The following CTNNA3 variants were observed in gnomAD, a reference collection of about 807,000 sequenced individuals.
CTNNA3 encodes catenin alpha 3, also known as catenin alpha-3.
CTNNA3 carries 76 observed loss-of-function variants against 95.7 expected under a neutral mutation model. The ratio of observed to expected loss-of-function variants is 0.79; its 90% CI spans 0.66 to 0.96. The LOEUF (loss-of-function observed/expected upper bound fraction) is 0.96, where lower values mean the gene tolerates loss of function less well. Ranked by LOEUF, CTNNA3 falls within the 40% of genes least tolerant of loss-of-function variation. The pLI is 0.00. For synonymous variants in CTNNA3, 431 were observed against 374.4 expected, an observed-to-expected ratio of 1.15 and a Z score of -1.74; for missense variants, 1,191 against 1,089.8, an observed-to-expected ratio of 1.09 and a Z score of -1.31.
At chr10:66,955,828 G>T (rs1848760314) in intron 7 of CTNNA3, among the ~76,000 whole-genome samples, 1 of 152,120 alleles carries the variant, frequency 6.6e-6, no homozygotes, top group African/African-American at 2.4e-5. Context: ...ACAGATGAGG[G>T]ATTTCAAATT....
intron 7 of CTNNA3, among the ~76,000 whole-genome samples, chr10:66,807,635 T>G (rs909105209): frequency 5.9e-5 from 9 of 152,174 alleles, no homozygotes; most frequent in Non-Finnish European, 1.3e-4. Flanking sequence ...CTAACTAAAT[T>G]GAGTAATTAG....
intron 9 of CTNNA3, among the ~76,000 whole-genome samples, chr10:66,699,027 CTA>C (rs1376402004): frequency 6.6e-6 from 1 of 152,114 alleles, no homozygotes; most frequent in South Asian, 2.1e-4. Context: ...TTGTGTATGT[CTA>C]TATATATGTA....
intron 15 of CTNNA3, among the ~76,000 whole-genome samples, chr10:66,043,347 A>T (rs2079748984): frequency 6.6e-6 from 1 of 152,206 alleles, no homozygotes; most frequent in African/African-American, 2.4e-5. Flanking sequence ...CCAAATTAGC[A>T]ATTCCACTGG....
At chr10:66,550,826 G>A (rs1364785201) in intron 10 of CTNNA3, among the ~76,000 whole-genome samples, 2 of 148,448 alleles carry the variant, frequency 1.3e-5, no homozygotes, top group East Asian at 4.0e-4. Flanking sequence ...TTTTTTTTCA[G>A]TTTGTTCTAG....
At chr10:66,208,127 G>A (rs924355561) in intron 13 of CTNNA3, among the ~76,000 whole-genome samples, 1 of 152,028 alleles carries the variant, frequency 6.6e-6, no homozygotes, top group East Asian at 1.9e-4. Flanking sequence ...AAGATTCCTA[G>A]GCAATAGATG....
rs1841029115 is a variant in CTNNA3, at chr10:66,520,669, G to A, written c.1479C>T (p.Leu493=). The A allele has an allele frequency of 6.2e-7, 1 of 1,610,940 alleles. No individual in the cohort carries two copies. The highest frequency in any genetic ancestry group is 8.5e-7 in the Non-Finnish European group (1 of 1,178,344). Residue 493 remains leucine, a synonymous_variant, in exon 11 of 18, where the codon CTC becomes CTT. Coordinates refer to ENST00000433211, the MANE Select transcript of CTNNA3 (RefSeq NM_013266.4). ...TTGTAATGTCATCTACGGCTTCAGT[G>A]AGGACATGTATATGATTCTCCCATG... ...KRTWENHIHV[L]TEAVDDITSI... is the part of the protein sequence containing the mutation.
Position 66,163,492 on chromosome 10 carries a change from G to T in CTNNA3, c.1885-60243C>A, listed in dbSNP as rs188234339. Among the ~76,000 whole-genome samples, 38 of 152,190 alleles carry T rather than the reference G, an allele frequency of 2.5e-4. 1 individual carries two copies. The South Asian group carries it at 5.8e-3, about 23-fold the overall frequency. On this transcript the variant is annotated intron_variant, in intron 13 of 17. Coordinates refer to ENST00000433211, the MANE Select transcript of CTNNA3 (RefSeq NM_013266.4). ...ACAGACCTTCAGGTTCTCCAGTGGG[G>T]GTGCGTGTTTGAGAGAGGAGGGTCT...
Position 67,375,907 on chromosome 10 carries a change from G to T in CTNNA3, c.579+145935C>A, listed in dbSNP as rs553085247. On this transcript the variant is annotated intron_variant, in intron 5 of 17. Transcript: ENST00000433211. The stretch of plus-strand genomic sequence containing the variant: ...TGATATTAGAAGGTGGGACCTTTTG[G>T]GAGGTGATTAGTTCAGGAAGGCGGA... Among the ~76,000 whole-genome samples, 6 of 152,242 alleles carry T rather than the reference G, an allele frequency of 3.9e-5. No individual in the cohort carries two copies. In the East Asian group the frequency reaches 9.7e-4, roughly 25 times the overall value.
chr10:66,769,364 C>CA (rs557858829), intron 8 of CTNNA3, among the ~76,000 whole-genome samples: 3 of 152,254 alleles, frequency 2.0e-5, no homozygotes, highest in African/African-American at 7.2e-5. Context: ...TTAACCCATG[C>CA]AAAAAACAAA....
chr10:66,161,483 C>T (rs1342203088), intron 13 of CTNNA3, among the ~76,000 whole-genome samples: 1 of 152,126 alleles, frequency 6.6e-6, no homozygotes, highest in Non-Finnish European at 1.5e-5. Context: ...ATACAAAATT[C>T]TTGGCTGATA....
At chr10:65,957,163 T>G (rs1021748833) in intron 17 of CTNNA3, among the ~76,000 whole-genome samples, 2 of 152,134 alleles carry the variant, frequency 1.3e-5, no homozygotes, top group African/African-American at 4.8e-5. Context: ...TGTGTCTTTT[T>G]ATCTTTGTTT....
At chr10:66,753,287 A>T (rs1276049947) in intron 9 of CTNNA3, among the ~76,000 whole-genome samples, 1 of 152,180 alleles carries the variant, frequency 6.6e-6, no homozygotes. Flanking sequence ...CTTTGTATAT[A>T]CAGCCCTTTC....
intron 11 of CTNNA3, among the ~76,000 whole-genome samples, chr10:66,470,185 T>G (rs560693366): frequency 6.6e-6 from 1 of 151,906 alleles, no homozygotes; most frequent in Non-Finnish European, 1.5e-5. Context: ...GAATGCAGAA[T>G]ATATTATAAG....
chr10:67,168,966 A>G (rs1490027166), intron 7 of CTNNA3, among the ~76,000 whole-genome samples: 1 of 152,186 alleles, frequency 6.6e-6, no homozygotes, highest in Non-Finnish European at 1.5e-5. Flanking sequence ...GACTTACAAA[A>G]ATCACTAGTA....
chr10:66,716,707 A>G (rs1848461798), intron 9 of CTNNA3, among the ~76,000 whole-genome samples: 1 of 152,148 alleles, frequency 6.6e-6, no homozygotes, highest in African/African-American at 2.4e-5. Flanking sequence ...TAAGCATGGC[A>G]CTACCTAGGT....
At chr10:66,632,917 T>A (rs975274566) in intron 9 of CTNNA3, among the ~76,000 whole-genome samples, 2 of 152,100 alleles carry the variant, frequency 1.3e-5, no homozygotes, top group Admixed American at 6.5e-5. Flanking sequence ...ACATATGAAA[T>A]ATGACTAATA....
intron 8 of CTNNA3, among the ~76,000 whole-genome samples, chr10:66,770,189 A>G (rs1167146386): frequency 6.6e-6 from 1 of 152,222 alleles, no homozygotes; most frequent in Non-Finnish European, 1.5e-5. Flanking sequence ...TGAAAGGACT[A>G]GAATGTTATG....
chr10:66,514,097 A>G (rs1194045726), intron 11 of CTNNA3, among the ~76,000 whole-genome samples: 1 of 152,166 alleles, frequency 6.6e-6, no homozygotes, highest in African/African-American at 2.4e-5. Flanking sequence ...AAGGTCAAAG[A>G]ACATTGTGAT....
chr10:66,815,384 C>A (rs920308653), intron 7 of CTNNA3, among the ~76,000 whole-genome samples: 1 of 152,156 alleles, frequency 6.6e-6, no homozygotes, highest in Non-Finnish European at 1.5e-5. Flanking sequence ...TGGTGAGAAT[C>A]AGTAGCCTGG....
Sources: gnomAD v4.1 joint callset for allele counts (sites outside exome capture counted in the v4.1 genomes callset) on GRCh38, gnomAD v4.1.1 for gene constraint, MANE v1.5 for transcripts, NCBI Gene and HGNC (gene_info 2026-07-23, HGNC 2026-07-21) for gene names.